FANCC: variants seen among roughly 807,000 people sequenced by gnomAD.
The protein encoded by FANCC is Fanconi anemia group C protein.
In FANCC, 55 loss-of-function variants were observed where a neutral mutation model predicts 71.3. The ratio of observed to expected loss-of-function variants is 0.77; its 90% CI spans 0.62 to 0.97. The LOEUF (loss-of-function observed/expected upper bound fraction) is 0.97, where lower values mean the gene tolerates loss of function less well. Ranked by LOEUF, FANCC falls within the 50% of genes least tolerant of loss-of-function variation. The probability of loss-of-function intolerance (pLI) is 0.00; values close to 1 mark genes in which losing one functional copy is unlikely to be tolerated. For missense variants in FANCC, 678 were observed against 670.9 expected (o/e 1.01, Z -0.12); for synonymous variants, 275 against 244.9 (o/e 1.12, Z -1.15).
Position 95,194,796 on chromosome 9 carries a change from T to C in FANCC, c.346-22649A>G, listed in dbSNP as rs1040097976. Among the ~76,000 whole-genome samples the C allele has an allele frequency of 9.2e-5, 14 of 152,214 alleles. No individual in the cohort carries two copies. In the South Asian group the frequency reaches 2.5e-3, roughly 27 times the overall value. ...GCAAATATCTCCTCCCAGTCTGCCA[T>C]TGTCCTTCACGTGGGCTTTCACAGA... On this transcript the variant is annotated intron_variant, in intron 4 of 14. Coordinates refer to ENST00000289081, the MANE Select transcript of FANCC (RefSeq NM_000136.3).
At chr9:95,248,123 T>C (rs1400408212) in intron 2 of FANCC, among the ~76,000 whole-genome samples, 1 of 152,180 alleles carries the variant, frequency 6.6e-6, no homozygotes, top group Non-Finnish European at 1.5e-5. Flanking sequence ...ATCAACCAAA[T>C]AGAAAACAGC....
At chr9:95,228,208 A>G (rs554921381) in intron 4 of FANCC, among the ~76,000 whole-genome samples, 3 of 152,316 alleles carry the variant, frequency 2.0e-5, no homozygotes, top group Admixed American at 2.0e-4. Flanking sequence ...GAGGGGAGCC[A>G]GGGCGGAAGC....
intron 2 of FANCC, 75 bp from the exon 3 acceptor site, chr9:95,247,591 G>A: frequency 3.2e-6 from 3 of 935,642 alleles, no homozygotes; most frequent in African/African-American, 1.6e-5. Flanking sequence ...ATTATAGATT[G>A]AGGGAACGTG....
At chr9:95,186,293 T>C (rs1486747479) in intron 4 of FANCC, among the ~76,000 whole-genome samples, 3 of 152,236 alleles carry the variant, frequency 2.0e-5, no homozygotes, top group Non-Finnish European at 4.4e-5. Context: ...GTTGCCACCA[T>C]TGGCATTTTG....
intron 4 of FANCC, among the ~76,000 whole-genome samples, chr9:95,184,877 C>T (rs1420385048): frequency 6.6e-5 from 10 of 152,212 alleles, no homozygotes; most frequent in Non-Finnish European, 1.5e-4. Flanking sequence ...TCTGGCTGAA[C>T]GTCCTAAAGG....
chr9:95,235,755 A>G (rs1027205511), intron 4 of FANCC, among the ~76,000 whole-genome samples: 34 of 142,960 alleles, frequency 2.4e-4, no homozygotes, highest in African/African-American at 8.3e-4. Context: ...GAGACAGGAG[A>G]GCTGCTTGAA....
chr9:95,260,204 A>G (rs920936140), intron 1 of FANCC, among the ~76,000 whole-genome samples: 1 of 152,208 alleles, frequency 6.6e-6, no homozygotes, highest in Non-Finnish European at 1.5e-5. Context: ...TATAAGGATT[A>G]TAAATCATCC....
chr9:95,135,315 A>C, intron 8 of FANCC, 31 bp downstream of exon 8: 1 of 1,609,056 alleles, frequency 6.2e-7, no homozygotes. Flanking sequence ...TCCTTCAAGG[A>C]TTTTTCCCTT....
chr9:95,295,461 G>C (rs1292325230), intron 1 of FANCC, among the ~76,000 whole-genome samples: 1 of 152,146 alleles, frequency 6.6e-6, no homozygotes, highest in Non-Finnish European at 1.5e-5. Context: ...CTTCAAAGAA[G>C]ACAAACAAAT....
chr9:95,188,693 C>T (rs1283544380), intron 4 of FANCC, among the ~76,000 whole-genome samples: 2 of 152,298 alleles, frequency 1.3e-5, no homozygotes, highest in South Asian at 4.1e-4. Context: ...TTCTCAGTAA[C>T]TTCTCTCTTT....
At chr9:95,270,846 G>C (rs902684614) in intron 1 of FANCC, among the ~76,000 whole-genome samples, 1 of 152,200 alleles carries the variant, frequency 6.6e-6, no homozygotes, top group Non-Finnish European at 1.5e-5. Flanking sequence ...TACACTAACA[G>C]GGGTCTAGCA....
rs377468919 is a variant in FANCC at position 95,117,386 on chromosome 9, C to T, written c.1001G>A (p.Arg334Gln). The part of the protein sequence containing the change: ...EALEKASKQL[R>Q]FALKTYFPYT... The stretch of plus-strand genomic sequence containing the variant: ...AGGAAAGTAGGTCTTGAGTGCAAAC[C>T]GCAGCTGCCACAGGATGGAAAATCC... The change falls in exon 11 of 15, where the codon CGG becomes CAG. Residue 334 changes from arginine (R) to glutamine (Q), a missense_variant. Arg to Gln is a conservative substitution (Grantham distance 43). Transcript: ENST00000289081. The T allele has an allele frequency of 1.1e-5, 18 of 1,613,022 alleles. No homozygotes were observed. Among genetic ancestry groups the T allele is most frequent in the Admixed American group, 8.3e-5 (5 of 59,960 alleles).
At chr9:95,272,918 A>G (rs75808974) in intron 1 of FANCC, among the ~76,000 whole-genome samples, 1 of 152,258 alleles carries the variant, frequency 6.6e-6, no homozygotes, top group African/African-American at 2.4e-5. Flanking sequence ...GGTGATCAGC[A>G]TAACTCTTCA....
chr9:95,165,207 C>A (rs1473430644), intron 6 of FANCC, among the ~76,000 whole-genome samples: 1 of 151,456 alleles, frequency 6.6e-6, no homozygotes, highest in African/African-American at 2.4e-5. Flanking sequence ...CTGATCTTTA[C>A]AAAAACCCAA....
At chr9:95,243,762 C>T (rs1661222288) in intron 3 of FANCC, among the ~76,000 whole-genome samples, 1 of 152,214 alleles carries the variant, frequency 6.6e-6, no homozygotes, top group South Asian at 2.1e-4. Flanking sequence ...CCACTGCACT[C>T]CAGCCTGGGT....
rs570338908 is a variant in FANCC at position 95,161,483 on chromosome 9, T to C, written c.521+9596A>G. On this transcript the variant is annotated intron_variant, in intron 6 of 14. Coordinates refer to ENST00000289081, the MANE Select transcript of FANCC (RefSeq NM_000136.3). ...AATCCCAAATTCCAGGAAGACCAAA[T>C]TGTTCTGCAAAGTGGTTGTGCCTAT... Among the ~76,000 whole-genome samples the C allele has an allele frequency of 5.3e-5, 8 of 152,284 alleles. No homozygotes were observed. In the South Asian group the frequency reaches 1.7e-3, roughly 32 times the overall value.
intron 1 of FANCC, among the ~76,000 whole-genome samples, chr9:95,296,710 G>C (rs1202345496): frequency 2.6e-5 from 4 of 152,142 alleles, no homozygotes; most frequent in Non-Finnish European, 5.9e-5. Context: ...TATTGGGCTG[G>C]CTTTACACCT....
intron 1 of FANCC, among the ~76,000 whole-genome samples, chr9:95,304,077 AT>A (rs1834925636): frequency 6.6e-6 from 1 of 152,212 alleles, no homozygotes; most frequent in Admixed American, 6.5e-5. Context: ...AAGGAAAATA[AT>A]TTCCAACCTG....
Position 95,099,265 on chromosome 9 carries a change from T to G in FANCC, c.*2442A>C, listed in dbSNP as rs1218666741. On this transcript the variant is annotated 3_prime_UTR_variant, in exon 15 of 15. Transcript: ENST00000289081. Reference sequence around the variant, plus strand: ...TCAAAAACTAAACTATCAGGGAGAGTCTACAAAAACTCCTGCTAGAGTAAG... The same window carrying G: ...TCAAAAACTAAACTATCAGGGAGAGGCTACAAAAACTCCTGCTAGAGTAAG... 1 of 219,484 alleles carries G rather than the reference T, an allele frequency of 4.6e-6. No individual in the cohort carries two copies. The highest frequency in any genetic ancestry group is 9.1e-6 in the Non-Finnish European group (1 of 109,912). 13.6% of individuals were successfully genotyped at this position (219,484 alleles called of 1,614,324 possible).
Sources: allele counts gnomAD v4.1 joint callset (sites outside exome capture counted in the v4.1 genomes callset), GRCh38; gene constraint gnomAD v4.1.1; transcripts MANE v1.5; gene names NCBI Gene and HGNC (gene_info 2026-07-23, HGNC 2026-07-21).